The following CCND3 variants were observed in gnomAD, a reference collection of about 807,000 sequenced individuals.
The protein encoded by CCND3 is cyclin D3, also known as G1/S-specific cyclin-D3.
Under a neutral mutation model 28.7 loss-of-function variants are expected in CCND3, and 9 were observed. The observed-to-expected ratio is 0.31, with a 90% CI of 0.19 to 0.55. The LOEUF (loss-of-function observed/expected upper bound fraction) is 0.55, where lower values mean the gene tolerates loss of function less well. Ranked by LOEUF, CCND3 falls within the 20% of genes least tolerant of loss-of-function variation. The pLI is 0.93. For missense variants in CCND3, 315 were observed against 385.8 expected, an observed-to-expected ratio of 0.82 and a Z score of 1.54; for synonymous variants, 164 against 163.9, an observed-to-expected ratio of 1.00 and a Z score of 0.00.
intron 1 of CCND3, among the ~76,000 whole-genome samples, chr6:42,039,838 T>C (rs1764319011): frequency 6.6e-6 from 1 of 152,230 alleles, no homozygotes; most frequent in South Asian, 2.1e-4. Context: ...GCTCCCTCCC[T>C]TCCACCTTCT....
At position 41,936,078 on chromosome 6, in the gene CCND3, G is replaced by A. The variant is rs147958536; in HGVS notation, c.741C>T (p.Ile247=). 6.8e-6 allele frequency: 11 copies of A among 1,608,326 alleles called. No homozygotes were observed. The highest frequency in any genetic ancestry group is 3.4e-5 in the Admixed American group (2 of 59,406). The part of the protein sequence containing the change: ...VDCLRACQEQ[I]EAALRESLRE... ...TGAGGCTCTCCCTGAGTGCAGCTTC[G>A]ATCTGCTCCTGACAGGCCCGCAGGC... The change falls in exon 5 of 5, where the codon ATC becomes ATT. Residue 247 remains isoleucine (I), a synonymous_variant. Transcript: ENST00000372991. This position sits in a 1 kb window ranked among gnomAD's most constrained non-coding sequence, Gnocchi z 4.4.
chr6:41,986,074 G>A (rs372735461), intron 1 of CCND3, among the ~76,000 whole-genome samples: 16 of 152,018 alleles, frequency 1.1e-4, no homozygotes, highest in African/African-American at 3.4e-4. Flanking sequence ...CTCTGTTTAA[G>A]ATCAATTGAC....
chr6:41,988,762 G>A lies in CCND3; in HGVS notation c.-45-48177C>T, dbSNP rs551947289. 1.1e-3 allele frequency among the ~76,000 whole-genome samples: 159 copies of A among 147,308 alleles called. 1 individual carries two copies. In the Middle Eastern group the frequency reaches 0.024, roughly 23 times the overall value. On this transcript the variant is annotated intron_variant, in intron 1 of 4. Coordinates refer to the CCND3 transcript ENST00000372988. ...CGCCCAGGCTGGAGTGCAGTGGCGC[G>A]ATGTCGGCTCACTGCAAGCTCCGCC...
rs1330995668 is a variant in CCND3, at chr6:41,938,081, G to A, written c.415-687C>T. ...GTGCCCCATGCCACTTGACTTTCAGGAGGATAGGTAGAGGCCAAGCCAGAC... is the reference window on the plus strand; with the variant it reads ...GTGCCCCATGCCACTTGACTTTCAGAAGGATAGGTAGAGGCCAAGCCAGAC... On this transcript the variant is annotated intron_variant, in intron 2 of 4. Transcript: ENST00000372991. The surrounding 1 kb of genome is among the most constrained non-coding windows in gnomAD (Gnocchi z 4.6). 1 of 153,112 alleles carries A rather than the reference G, an allele frequency of 6.5e-6. No homozygotes were observed. Among genetic ancestry groups the A allele is most frequent in the Non-Finnish European group, 1.5e-5 (1 of 68,874 alleles). The allele number at this position is 153,112 out of a possible 1,614,324, so 9.5% of individuals were successfully genotyped here.
At position 42,042,790 on chromosome 6, in the gene CCND3, C is replaced by T. The variant is rs368108575; in HGVS notation, c.-46+5711G>A. 2.6e-4 allele frequency among the ~76,000 whole-genome samples: 40 copies of T among 152,258 alleles called. 1 individual carries two copies. The East Asian group carries it at 7.5e-3, about 29-fold the overall frequency. On this transcript the variant is annotated intron_variant, in intron 1 of 4. Coordinates refer to the CCND3 transcript ENST00000372988. ...AAAAAGACACCTGACATATAGTAGG[C>T]ATTCAACTAATATTGGTTATTATTA...
At chr6:41,979,969 T>C (rs944618251) in intron 1 of CCND3, among the ~76,000 whole-genome samples, 1 of 137,784 alleles carries the variant, frequency 7.3e-6, no homozygotes, top group Non-Finnish European at 1.5e-5. Context: ...TATTTCTACA[T>C]GGTTTGTTTA....
At chr6:41,971,944 G>A (rs888635686) in intron 1 of CCND3, among the ~76,000 whole-genome samples, 5 of 150,568 alleles carry the variant, frequency 3.3e-5, no homozygotes, top group African/African-American at 1.2e-4. Context: ...AGATACTTCC[G>A]GCCGGGCGCA....
chr6:41,966,588 TCTC>T (rs1463286184), intron 1 of CCND3, among the ~76,000 whole-genome samples: 1 of 152,062 alleles, frequency 6.6e-6, no homozygotes, highest in African/African-American at 2.4e-5. Context: ...GGAATTATGT[TCTC>T]CTTCTGTTGT....
intron 1 of CCND3, among the ~76,000 whole-genome samples, chr6:42,018,026 G>A (rs1230679113): frequency 1.3e-5 from 2 of 151,774 alleles, no homozygotes. Context: ...GCACATGCCT[G>A]TAGTCCCAGC....
intron 1 of CCND3, among the ~76,000 whole-genome samples, chr6:41,978,405 G>A (rs1022259867): frequency 4.6e-5 from 7 of 150,710 alleles, no homozygotes; most frequent in Admixed American, 1.3e-4. Context: ...GCGTGGTGGC[G>A]CATCCCCGTA....
At chr6:42,026,786 C>T (rs1408399540) in intron 1 of CCND3, among the ~76,000 whole-genome samples, 1 of 152,166 alleles carries the variant, frequency 6.6e-6, no homozygotes, top group Non-Finnish European at 1.5e-5. Context: ...AGGGCAGTGC[C>T]TTTTCTTTCT....
chr6:42,001,439 G>C (rs1455242410), intron 1 of CCND3, among the ~76,000 whole-genome samples: 3 of 118,656 alleles, frequency 2.5e-5, no homozygotes, highest in South Asian at 6.3e-4. Context: ...AAAGGAACAG[G>C]TTGCTAACAC....
In CCND3 at chr6:41,941,112, C is replaced by T; in HGVS notation, c.198+340G>A. ...CGGGGGCGGCCGAGCCCAGGGTTTT[C>T]CAGGCGCGCTCTCCGGAGAAGGCCG... is the stretch of plus-strand genomic sequence containing the variant. On this transcript the variant is annotated intron_variant, in intron 1 of 4. Coordinates refer to ENST00000372991, the MANE Select transcript of CCND3 (RefSeq NM_001760.5). The surrounding 1 kb of genome is among the most constrained non-coding windows in gnomAD (Gnocchi z 6.1). 2 of 1,519,964 alleles carry T rather than the reference C, an allele frequency of 1.3e-6. No homozygotes were observed. Among genetic ancestry groups the T allele is most frequent in the South Asian group, 1.3e-5 (1 of 76,958 alleles). The allele number at this position is 1,519,964 out of a possible 1,614,324, so 94.2% of individuals were successfully genotyped here.
chr6:41,952,565 C>T (rs753569381), intron 1 of CCND3, among the ~76,000 whole-genome samples: 1 of 152,160 alleles, frequency 6.6e-6, no homozygotes, highest in Non-Finnish European at 1.5e-5. Flanking sequence ...GTACTTCCAG[C>T]CTTTTTGTGG....
chr6:42,005,783 A>G (rs1454228885), intron 1 of CCND3, among the ~76,000 whole-genome samples: 1 of 151,856 alleles, frequency 6.6e-6, no homozygotes, highest in Non-Finnish European at 1.5e-5. Context: ...TCCCAGATTC[A>G]GGCGATTCTC....
intron 1 of CCND3, among the ~76,000 whole-genome samples, chr6:41,959,678 C>CCCCG (rs1761651878): frequency 2.7e-5 from 3 of 111,472 alleles, no homozygotes; most frequent in Admixed American, 8.7e-5. Flanking sequence ...CACAGCAAGA[C>CCCCG]TAAATCAGGC....
chr6:42,008,069 T>G (rs748177194), intron 1 of CCND3, among the ~76,000 whole-genome samples: 11 of 152,036 alleles, frequency 7.2e-5, no homozygotes, highest in Non-Finnish European at 1.5e-4. Flanking sequence ...TCTACCTTAT[T>G]TTTTAATATA....
chr6:42,020,561 C>T (rs1748142771), intron 1 of CCND3, among the ~76,000 whole-genome samples: 2 of 152,156 alleles, frequency 1.3e-5, no homozygotes, highest in Admixed American at 1.3e-4. Context: ...GTCATGGCTC[C>T]CACCCTGCCC....
intron 1 of CCND3, among the ~76,000 whole-genome samples, chr6:41,949,103 C>A (rs1356209543): frequency 2.0e-5 from 3 of 152,180 alleles, no homozygotes; most frequent in African/African-American, 4.8e-5. Flanking sequence ...AATCCCTGCA[C>A]TTTGAGAGGC....
Sources: gnomAD v4.1 joint callset for allele counts (sites outside exome capture counted in the v4.1 genomes callset) on GRCh38, gnomAD v4.1.1 for gene constraint, Gnocchi (gnomAD v3.1) non-coding constraint, MANE v1.5 for transcripts, NCBI Gene and HGNC (gene_info 2026-07-23, HGNC 2026-07-21) for gene names.